Variants in CCDC60 observed in about 807,000 individuals in gnomAD.
CCDC60 encodes the protein coiled-coil domain-containing protein 60.
Under a neutral mutation model 63.5 loss-of-function variants are expected in CCDC60, and 54 were observed. The observed-to-expected ratio is 0.85, with a 90% CI of 0.68 to 1.07. The LOEUF (loss-of-function observed/expected upper bound fraction) is 1.07. Ranked by LOEUF, CCDC60 falls within the 50% of genes least tolerant of loss-of-function variation. The pLI, the probability that CCDC60 is intolerant of heterozygous loss-of-function variation, is 0.00. For synonymous variants in CCDC60, 206 were observed against 238.8 expected (o/e 0.86, Z 1.27); for missense variants, 651 against 684.3 (o/e 0.95, Z 0.54).
intron 1 of CCDC60, among the ~76,000 whole-genome samples, chr12:119,354,607 G>C (rs1955697685): frequency 6.6e-6 from 1 of 152,126 alleles, no homozygotes; most frequent in Non-Finnish European, 1.5e-5. Context: ...TTTCTTTCCA[G>C]CTACAGCACA....
intron 1 of CCDC60, among the ~76,000 whole-genome samples, chr12:119,361,517 G>A (rs1351529929): frequency 4.6e-5 from 7 of 150,622 alleles, no homozygotes; most frequent in Non-Finnish European, 3.0e-5. Flanking sequence ...GAACAGCAGG[G>A]AAAAAAAAAT....
intron 1 of CCDC60, among the ~76,000 whole-genome samples, chr12:119,389,801 CAT>C (rs1956124967): frequency 6.6e-6 from 1 of 152,042 alleles, no homozygotes; most frequent in Non-Finnish European, 1.5e-5. Context: ...CACACACACA[CAT>C]ACACAGAGCA....
chr12:119,512,428 G>T (rs1347508145), intron 7 of CCDC60, among the ~76,000 whole-genome samples: 1 of 152,154 alleles, frequency 6.6e-6, no homozygotes, highest in Non-Finnish European at 1.5e-5. Context: ...TGACATCAAG[G>T]AACTCACAGC....
intron 1 of CCDC60, among the ~76,000 whole-genome samples, chr12:119,336,345 A>G (rs1027596922): frequency 2.4e-4 from 37 of 152,326 alleles, no homozygotes; most frequent in Non-Finnish European, 3.5e-4. Flanking sequence ...CGTTGCTATC[A>G]ATGGCTGGTT....
chr12:119,389,977 T>C (rs533255633), intron 1 of CCDC60, among the ~76,000 whole-genome samples: 2 of 152,330 alleles, frequency 1.3e-5, no homozygotes, highest in Admixed American at 6.5e-5. Context: ...ATGAAAGAAG[T>C]AGACTTTCTC....
chr12:119,499,803 G>T (rs895266957), intron 5 of CCDC60, among the ~76,000 whole-genome samples: 1 of 152,096 alleles, frequency 6.6e-6, no homozygotes, highest in Non-Finnish European at 1.5e-5. Context: ...GGAGAGGACC[G>T]AGTCTAAAAT....
At chr12:119,505,446 C>T in intron 7 of CCDC60, 143 bp downstream of exon 7, 2 of 617,920 alleles carry the variant, frequency 3.2e-6, no homozygotes, top group Non-Finnish European at 5.6e-6. Context: ...TTCCTTGGAC[C>T]TCTTTGTTTT....
intron 2 of CCDC60, among the ~76,000 whole-genome samples, chr12:119,448,691 G>A (rs1950582511): frequency 6.6e-6 from 1 of 151,884 alleles, no homozygotes. Context: ...GGGTCTGGAA[G>A]AGGCGCATTA....
chr12:119,495,697 C>T (rs986015801), intron 5 of CCDC60, among the ~76,000 whole-genome samples: 6 of 152,130 alleles, frequency 3.9e-5, no homozygotes, highest in Admixed American at 2.6e-4. Context: ...TACTCCTCCC[C>T]CCACAACCAA....
At position 119,455,931 on chromosome 12, in the gene CCDC60, AAGAGAAAGAG is replaced by A. The variant is rs1453361550; in HGVS notation, c.171-16054_171-16045del. ...GGAGGAAGGAAGGAGGAAAGAAAGA[AAGAGAAAGAG>A]AGAGAAAGGAAGGAAGGAGGGAGGG... On this transcript the variant is annotated intron_variant, in intron 2 of 13. Coordinates refer to ENST00000327554, the MANE Select transcript of CCDC60 (RefSeq NM_178499.5). 9.9e-5 allele frequency among the ~76,000 whole-genome samples: 8 copies of A among 81,116 alleles called. 2 individuals are homozygous for A. In the South Asian group the frequency reaches 2.4e-3, roughly 25 times the overall value. 53.2% of individuals were successfully genotyped at this position (81,116 alleles called of 152,430 possible).
chr12:119,419,952 C>A (rs554104983), intron 1 of CCDC60, among the ~76,000 whole-genome samples: 1 of 147,242 alleles, frequency 6.8e-6, no homozygotes, highest in South Asian at 2.2e-4. Context: ...TCTCGGCTCA[C>A]TGCAACCTCC....
At chr12:119,425,730 C>G (rs1407448660) in intron 1 of CCDC60, among the ~76,000 whole-genome samples, 1 of 152,194 alleles carries the variant, frequency 6.6e-6, no homozygotes, top group Non-Finnish European at 1.5e-5. Context: ...CATTTCTAGT[C>G]AGTAAGGAAA....
intron 9 of CCDC60, among the ~76,000 whole-genome samples, chr12:119,521,077 C>T (rs1252192863): frequency 6.6e-6 from 1 of 152,076 alleles, no homozygotes; most frequent in Non-Finnish European, 1.5e-5. Flanking sequence ...CTAAGAAATT[C>T]GTAGTAATCT....
chr12:119,487,317 A>G (rs498332), intron 4 of CCDC60, among the ~76,000 whole-genome samples: 78,956 of 146,830 alleles, frequency 0.54, 21,874 homozygotes, highest in East Asian at 0.85. Flanking sequence ...TTTTTTTCCG[A>G]GATGAAGTCT....
At chr12:119,472,873 G>A (rs1241629605) in intron 3 of CCDC60, among the ~76,000 whole-genome samples, 2 of 152,122 alleles carry the variant, frequency 1.3e-5, no homozygotes, top group South Asian at 4.1e-4. Context: ...GAGCCACCAC[G>A]CCCGGCCTCC....
intron 1 of CCDC60, among the ~76,000 whole-genome samples, chr12:119,342,915 A>G (rs1363103680): frequency 1.3e-5 from 2 of 152,228 alleles, no homozygotes; most frequent in Non-Finnish European, 2.9e-5. Flanking sequence ...GCCTTTGCAC[A>G]ACTGTGGAAA....
In CCDC60 at chr12:119,344,855, T is replaced by TCACACA. The variant is rs1199779284; in HGVS notation, c.90+9628_90+9633dup. On this transcript the variant is annotated intron_variant, in intron 1 of 13. Coordinates refer to ENST00000327554, the MANE Select transcript of CCDC60 (RefSeq NM_178499.5). ...CTCTCTTTCTCTCTCTCTCTCTCTC[T>TCACACA]CACACACACACACACACACACACAC... Among the ~76,000 whole-genome samples, 497 of 114,842 alleles carry TCACACA rather than the reference T, an allele frequency of 4.3e-3. 2 individuals carry two copies. The highest frequency in any genetic ancestry group is 0.015 in the Middle Eastern group (3 of 200). 75.3% of individuals were successfully genotyped at this position (114,842 alleles called of 152,430 possible). A position where few individuals can be genotyped will look rare whatever the true frequency, so the allele number is the denominator to read the frequency against.
At chr12:119,447,461 T>G (rs1006986918) in intron 2 of CCDC60, among the ~76,000 whole-genome samples, 6 of 152,144 alleles carry the variant, frequency 3.9e-5, no homozygotes, top group Non-Finnish European at 8.8e-5. Context: ...CTTATTCCAT[T>G]GTCTGTTGTT....
intron 1 of CCDC60, among the ~76,000 whole-genome samples, chr12:119,414,187 T>C (rs1388732906): frequency 6.6e-6 from 1 of 152,106 alleles, no homozygotes; most frequent in Non-Finnish European, 1.5e-5. Context: ...CCCAGCTACT[T>C]CTTTTCTTTG....
Sources: gnomAD v4.1 joint callset for allele counts (sites outside exome capture counted in the v4.1 genomes callset) on GRCh38, gnomAD v4.1.1 for gene constraint, MANE v1.5 for transcripts, NCBI Gene and HGNC (gene_info 2026-07-23, HGNC 2026-07-21) for gene names.